Variants in PTPRD observed in about 807,000 individuals in gnomAD.
PTPRD encodes receptor-type tyrosine-protein phosphatase delta.
PTPRD carries 34 observed loss-of-function variants against 214.5 expected under a neutral mutation model. The observed-to-expected ratio is 0.16, with a 90% CI of 0.12 to 0.21. The LOEUF is 0.21. PTPRD is among the 10% of genes least tolerant of loss of function. The pLI, the probability that PTPRD is intolerant of heterozygous loss-of-function variation, is 1.00. For missense variants in PTPRD, 2,545 were observed against 2,398.7 expected (o/e 1.06, Z -1.27); for synonymous variants, 1,128 against 845.7 (o/e 1.33, Z -5.79).
intron 11 of PTPRD, among the ~76,000 whole-genome samples, chr9:8,883,778 C>G (rs1283895895): frequency 6.6e-6 from 1 of 152,126 alleles, no homozygotes; most frequent in African/African-American, 2.4e-5. Context: ...GGTCCTAATC[C>G]CATTCCCAAC....
At chr9:9,308,593 C>A (rs571626206) in intron 9 of PTPRD, among the ~76,000 whole-genome samples, 1 of 152,232 alleles carries the variant, frequency 6.6e-6, no homozygotes, top group African/African-American at 2.4e-5. Flanking sequence ...CTGGTATTTG[C>A]TATCTAGGGT....
intron 3 of PTPRD, among the ~76,000 whole-genome samples, chr9:10,105,716 A>T (rs2098621765): frequency 6.6e-6 from 1 of 151,830 alleles, no homozygotes; most frequent in Non-Finnish European, 1.5e-5. Context: ...ACTTGTGTTC[A>T]TATTATTGTA....
chr9:9,680,109 C>A (rs546200627), intron 7 of PTPRD, among the ~76,000 whole-genome samples: 1 of 151,948 alleles, frequency 6.6e-6, no homozygotes, highest in Non-Finnish European at 1.5e-5. Flanking sequence ...TTACTCTTGA[C>A]AGTTATATGT....
intron 3 of PTPRD, among the ~76,000 whole-genome samples, chr9:10,124,910 G>A (rs1451299515): frequency 2.0e-5 from 3 of 152,152 alleles, no homozygotes; most frequent in Admixed American, 2.0e-4. Flanking sequence ...AGGCAAGAAC[G>A]TCAAAAGAGC....
intron 21 of PTPRD, among the ~76,000 whole-genome samples, chr9:8,515,859 G>A (rs559026104): frequency 1.8e-4 from 27 of 152,204 alleles, no homozygotes; most frequent in African/African-American, 6.3e-4. Context: ...CTTTTTTACA[G>A]GAGCACTAGA....
intron 35 of PTPRD, among the ~76,000 whole-genome samples, chr9:8,414,196 TAA>T (rs76939238): frequency 4.0e-5 from 6 of 148,440 alleles, no homozygotes; most frequent in African/African-American, 1.5e-4. Flanking sequence ...ACCAGAGATA[TAA>T]AAAAAAAAAT....
At chr9:9,337,944 T>C (rs1198635444) in intron 9 of PTPRD, among the ~76,000 whole-genome samples, 1 of 152,190 alleles carries the variant, frequency 6.6e-6, no homozygotes, top group African/African-American at 2.4e-5. Context: ...GGAATTTTAC[T>C]TTCTTCATAC....
At chr9:9,529,082 GC>G (rs1281793163) in intron 8 of PTPRD, among the ~76,000 whole-genome samples, 2 of 151,562 alleles carry the variant, frequency 1.3e-5, no homozygotes, top group African/African-American at 4.9e-5. Flanking sequence ...ACAGGTGCAT[GC>G]CACCACGCCT....
chr9:8,332,324 T>C (rs1258294281), intron 43 of PTPRD, among the ~76,000 whole-genome samples: 1 of 152,136 alleles, frequency 6.6e-6, no homozygotes, highest in Non-Finnish European at 1.5e-5. Context: ...GCTGTTAACC[T>C]GGATGCCCCC....
At chr9:8,622,660 G>C (rs143025841) in intron 14 of PTPRD, among the ~76,000 whole-genome samples, 265 of 151,972 alleles carry the variant, frequency 1.7e-3, no homozygotes, top group East Asian at 0.016. Flanking sequence ...GAGAGAGCTA[G>C]ATTATCAAAT....
chr9:9,799,793 G>T (rs567083640), intron 5 of PTPRD, among the ~76,000 whole-genome samples: 176 of 152,152 alleles, frequency 1.2e-3, no homozygotes, highest in Middle Eastern at 3.4e-3. Context: ...CTTAACAAAA[G>T]GACAAAGCAA....
intron 7 of PTPRD, among the ~76,000 whole-genome samples, chr9:9,699,946 T>C (rs528278382): frequency 3.9e-4 from 59 of 152,288 alleles, no homozygotes; most frequent in African/African-American, 1.3e-3. Flanking sequence ...TTGACAAGTA[T>C]GCATTCCTCA....
intron 2 of PTPRD, among the ~76,000 whole-genome samples, chr9:10,379,903 A>ATTCTATTTC (rs1489667921): frequency 6.6e-6 from 1 of 152,042 alleles, no homozygotes; most frequent in East Asian, 1.9e-4. Flanking sequence ...TTCTATTTAT[A>ATTCTATTTC]TACTCAAAAT....
intron 5 of PTPRD, among the ~76,000 whole-genome samples, chr9:9,784,141 T>G (rs571038259): frequency 2.0e-5 from 3 of 152,136 alleles, no homozygotes; most frequent in Admixed American, 1.3e-4. Context: ...TTGCTGTTAA[T>G]GTTTATAAAA....
intron 12 of PTPRD, among the ~76,000 whole-genome samples, chr9:8,675,550 A>C (rs951164822): frequency 1.4e-4 from 20 of 147,370 alleles, no homozygotes; most frequent in Admixed American, 4.1e-4. Context: ...AAAAAAAAAA[A>C]AAAAAAAAAA....
At chr9:8,632,177 C>G (rs1461114738) in intron 14 of PTPRD, among the ~76,000 whole-genome samples, 1 of 147,940 alleles carries the variant, frequency 6.8e-6, no homozygotes, top group Non-Finnish European at 1.5e-5. Flanking sequence ...AGTTTCAAAA[C>G]CACCAGGTAA....
chr9:10,578,240 G>C (rs190006158), intron 2 of PTPRD, among the ~76,000 whole-genome samples: 8 of 151,942 alleles, frequency 5.3e-5, no homozygotes, highest in African/African-American at 1.9e-4. Context: ...AGGGTTTCTC[G>C]AATGTCTCCT....
intron 9 of PTPRD, among the ~76,000 whole-genome samples, chr9:9,344,526 C>T (rs1042628270): frequency 6.6e-6 from 1 of 151,756 alleles, no homozygotes; most frequent in Admixed American, 6.6e-5. Context: ...AGAAAGCTAA[C>T]TCATCTTTTT....
chr9:9,990,564 C>A (rs2095876669), intron 4 of PTPRD, among the ~76,000 whole-genome samples: 1 of 152,184 alleles, frequency 6.6e-6, no homozygotes. Context: ...TGCCCAGGTC[C>A]TAGGGAAATC....
Sources: gnomAD v4.1 joint callset for allele counts (sites outside exome capture counted in the v4.1 genomes callset) on GRCh38, gnomAD v4.1.1 for gene constraint, MANE v1.5 for transcripts, NCBI Gene and HGNC (gene_info 2026-07-23, HGNC 2026-07-21) for gene names.